Variants in KCNT1 observed in about 807,000 individuals in gnomAD.
KCNT1 encodes potassium channel subfamily T member 1.
KCNT1 carries 78 observed loss-of-function variants against 147.8 expected under a neutral mutation model. The ratio of observed to expected loss-of-function variants is 0.53; its 90% confidence interval spans 0.44 to 0.64. The LOEUF is 0.64. Ranked by LOEUF, KCNT1 falls within the 30% of genes least tolerant of loss-of-function variation. KCNT1 has a pLI of 0.00. For missense variants in KCNT1, 1,419 were observed against 1,750.3 expected (o/e 0.81, Z 3.38); for synonymous variants, 867 against 748.8 (o/e 1.16, Z -2.58).
intron 11 of KCNT1, among the ~76,000 whole-genome samples, chr9:135,761,712 G>A (rs970325018): frequency 5.3e-5 from 8 of 152,200 alleles, no homozygotes; most frequent in Non-Finnish European, 1.2e-4. Context: ...GCTCTGCAGA[G>A]GCGTTGACCC....
chr9:135,775,715 C>A (rs1046592765), intron 20 of KCNT1, among the ~76,000 whole-genome samples: 1 of 152,056 alleles, frequency 6.6e-6, no homozygotes, highest in African/African-American at 2.4e-5. Context: ...CATCTACATG[C>A]GTTCCCAAAG....
At chr9:135,708,637 A>G (rs891371945) in intron 1 of KCNT1, among the ~76,000 whole-genome samples, 3 of 152,134 alleles carry the variant, frequency 2.0e-5, no homozygotes, top group Non-Finnish European at 2.9e-5. Flanking sequence ...CGCAGCCTCA[A>G]CCTCATGGGC....
At chr9:135,751,278 C>G (rs958310386) in intron 4 of KCNT1, among the ~76,000 whole-genome samples, 1 of 151,950 alleles carries the variant, frequency 6.6e-6, no homozygotes, top group Non-Finnish European at 1.5e-5. Flanking sequence ...CCAGCTGTGC[C>G]CTTAGCTACT....
In KCNT1 at chr9:135,756,857, C is replaced by T. The variant is rs369006830; in HGVS notation, c.541-16C>T. 10 of 1,612,276 alleles carry T rather than the reference C, an allele frequency of 6.2e-6. No individual in the cohort carries two copies. The highest frequency in any genetic ancestry group is 1.3e-5 in the African/African-American group (1 of 74,810). On this transcript the variant is annotated splice_polypyrimidine_tract_variant and intron_variant, in intron 6 of 30. Transcript: ENST00000371757. ...CCCGGCCTGCTCCAGAGCTCCTTCCCTTTCCTGACTCCCAGGTCATCGTGG... is the reference window on the plus strand; with the variant it reads ...CCCGGCCTGCTCCAGAGCTCCTTCCTTTTCCTGACTCCCAGGTCATCGTGG...
intron 29 of KCNT1, chr9:135,788,039 C>A: frequency 7.4e-7 from 1 of 1,357,874 alleles, no homozygotes; most frequent in South Asian, 1.2e-5. Flanking sequence ...GCCCGCACCT[C>A]GCTTGCTGAT....
At chr9:135,755,250 G>A (rs1246499377) in intron 6 of KCNT1, 81 bp downstream of exon 6, 2 of 1,280,370 alleles carry the variant, frequency 1.6e-6, no homozygotes, top group Non-Finnish European at 2.2e-6. Context: ...CAGTAAGTAG[G>A]GAACCCAGGC....
Position 135,709,952 on chromosome 9 carries a change from A to T in KCNT1, c.111-4625A>T, listed in dbSNP as rs569374. Among the ~76,000 whole-genome samples, 11 of 152,244 alleles carry T rather than the reference A, an allele frequency of 7.2e-5. No individual in the cohort carries two copies. The East Asian group carries it at 1.5e-3, about 21-fold the overall frequency. ...CACCTTGGCCTCCCAAAGTGCTGGG[A>T]TGACAGGCTTGAGCCACTGCACCCG... On this transcript the variant is annotated intron_variant, in intron 1 of 30. Coordinates refer to ENST00000371757, the MANE Select transcript of KCNT1 (RefSeq NM_020822.3).
intron 2 of KCNT1, among the ~76,000 whole-genome samples, chr9:135,722,382 G>T (rs548071255): frequency 6.6e-6 from 1 of 152,210 alleles, no homozygotes; most frequent in Non-Finnish European, 1.5e-5. Context: ...AATTCCTCCC[G>T]CATTAGTGTA....
chr9:135,782,033 G>C lies in KCNT1; in HGVS notation c.2842-1991G>C, dbSNP rs1833647179. Among the ~76,000 whole-genome samples, 2 of 152,136 alleles carry C rather than the reference G, an allele frequency of 1.3e-5. 1 individual carries two copies. Among genetic ancestry groups the C allele is most frequent in the South Asian group, 4.1e-4 (2 of 4,828 alleles). On this transcript the variant is annotated intron_variant, in intron 24 of 30. Coordinates refer to ENST00000371757, the MANE Select transcript of KCNT1 (RefSeq NM_020822.3). The stretch of plus-strand genomic sequence containing the variant: ...GTTCGAGACCAGGCTGGCCAACATG[G>C]AGAAACCTCTCTACTAAAGACACAA...
intron 1 of KCNT1, among the ~76,000 whole-genome samples, chr9:135,708,363 A>G (rs1456301412): frequency 5.3e-5 from 8 of 152,248 alleles, no homozygotes; most frequent in Admixed American, 3.3e-4. Context: ...ATGCAAATAC[A>G]TGCTCATTTA....
intron 2 of KCNT1, among the ~76,000 whole-genome samples, chr9:135,726,922 T>TCC (rs1836183133): frequency 1.7e-5 from 2 of 119,958 alleles, no homozygotes. Context: ...TCTCTCCCTC[T>TCC]CTCTCTCTCC....
chr9:135,731,991 TAGAGAGAGAGAGAGAG>T (rs1189149987), intron 2 of KCNT1, among the ~76,000 whole-genome samples: 41 of 21,728 alleles, frequency 1.9e-3, no homozygotes, highest in African/African-American at 3.3e-3. Context: ...TATATATATA[TAGAGAGAGAGAGAGAG>T]AGAGAGAGAG....
At chr9:135,702,505 C>T (rs1300231528) in intron 1 of KCNT1, 137 bp downstream of exon 1, 8 of 717,394 alleles carry the variant, frequency 1.1e-5, no homozygotes, top group African/African-American at 9.2e-5. Flanking sequence ...CCGCGAGTGC[C>T]CTCCCAACCA....
At position 135,759,786 on chromosome 9, in the gene KCNT1, C is replaced by T. The variant is rs1588330851; in HGVS notation, c.962C>T (p.Thr321Met). 2.5e-6 allele frequency: 4 copies of T among 1,613,552 alleles called. No homozygotes were observed. Among genetic ancestry groups the T allele is most frequent in the Non-Finnish European group, 3.4e-6 (4 of 1,179,850 alleles). ...TCCACCGTGGGCTACGGTGACGTCA[C>T]GCCCAAGATCTGGCCATCGCAGCTG... is the stretch of plus-strand genomic sequence containing the variant. ...TFSTVGYGDV[T>M]PKIWPSQLLV... Residue 321 changes from threonine to methionine, a missense_variant, in exon 11 of 31, where the codon ACG becomes ATG. Around this residue, in one of 5 missense-constraint regions of KCNT1, gnomAD observed 401 missense variants for 610.6 expected, o/e 0.66. Coordinates refer to ENST00000371757, the MANE Select transcript of KCNT1 (RefSeq NM_020822.3).
intron 1 of KCNT1, among the ~76,000 whole-genome samples, chr9:135,707,590 T>G (rs1186647113): frequency 6.6e-6 from 1 of 152,086 alleles, no homozygotes; most frequent in Non-Finnish European, 1.5e-5. Context: ...CCCAGGACCC[T>G]GAGATGGACT....
At chr9:135,705,801 C>G (rs1044406898) in intron 1 of KCNT1, among the ~76,000 whole-genome samples, 7 of 152,032 alleles carry the variant, frequency 4.6e-5, no homozygotes, top group African/African-American at 1.4e-4. Context: ...AACAGGTTTG[C>G]AGGGGACAGT....
At chr9:135,758,374 C>T (rs192872431) in intron 9 of KCNT1, 40 bp from the exon 10 acceptor site, 846 of 1,492,618 alleles carry the variant, frequency 5.7e-4, no homozygotes, top group African/African-American at 1.3e-3. Context: ...TGGCGGGGTC[C>T]ACAGTCCCTG....
chr9:135,791,877 A>C lies in KCNT1; in HGVS notation c.3583A>C (p.Ile1195Leu), dbSNP rs1958223798. 1.2e-6 allele frequency: 2 copies of C among 1,613,658 alleles called. No homozygotes were observed. Among genetic ancestry groups the C allele is most frequent in the Non-Finnish European group, 1.7e-6 (2 of 1,179,862 alleles). Residue 1195 changes from isoleucine (I) to leucine (L), a missense_variant, in exon 30 of 31, where the codon ATT becomes CTT. Transcript: ENST00000371757. Reference protein sequence around the residue: ...PPDTRLEPSDIVYLIRSDPLA... With the variant: ...PPDTRLEPSDLVYLIRSDPLA... Reference sequence around the variant, plus strand: ...CGACACGAGGCTGGAGCCCAGTGACATTGTGTGAGTAGCACCTGTGGGCTG... The same window carrying C: ...CGACACGAGGCTGGAGCCCAGTGACCTTGTGTGAGTAGCACCTGTGGGCTG...
In KCNT1 at chr9:135,768,600, T is replaced by C; in HGVS notation, c.1338-10T>C. 5.8e-6 allele frequency: 9 copies of C among 1,549,826 alleles called. No individual in the cohort carries two copies. Among genetic ancestry groups the C allele is most frequent in the Non-Finnish European group, 7.9e-6 (9 of 1,146,406 alleles). ...TGCTCCACCCACGCTCAGGCCCTGG[T>C]GCATTGCAGGATGGACAATGGGGAG... On this transcript the variant is annotated splice_polypyrimidine_tract_variant and intron_variant, in intron 13 of 30. Transcript: ENST00000371757.
Sources: allele counts gnomAD v4.1 joint callset (sites outside exome capture counted in the v4.1 genomes callset), GRCh38; gene constraint gnomAD v4.1.1; regional missense constraint gnomAD v4.1.1; transcripts MANE v1.5; gene names NCBI Gene and HGNC (gene_info 2026-07-23, HGNC 2026-07-21).